MMP3: variants seen among roughly 807,000 people sequenced by gnomAD.
MMP3 encodes matrix metallopeptidase 3, also known as stromelysin-1.
A neutral mutation model predicts 47.3 loss-of-function variants in MMP3; 46 were observed. The ratio of observed to expected loss-of-function variants is 0.97; its 90% CI spans 0.77 to 1.24. MMP3 has a LOEUF of 1.24. Ranked by LOEUF, MMP3 falls within the 50% of genes most tolerant of loss-of-function variation. The pLI is 0.00. For missense variants in MMP3, 558 were observed against 565.5 expected (o/e 0.99, Z 0.13); for synonymous variants, 216 against 206.5 (o/e 1.05, Z -0.39).
Position 102,839,190 on chromosome 11 carries a change from G to T in MMP3, c.989C>A (p.Ser330Tyr). Reference protein sequence around the residue: ...RKLEPELHLISSFWPSLPSGV... With the variant: ...RKLEPELHLIYSFWPSLPSGV... ...TGAAGGAAGAGATGGCCAAAATGAA[G>T]AGATCAAATGCAATTCAGGTTCAAG... The change falls in exon 7 of 10, where the codon TCT becomes TAT. Residue 330 changes from serine (S) to tyrosine (Y), a missense_variant. Transcript: ENST00000299855. The T allele has an allele frequency of 6.2e-7, 1 of 1,614,170 alleles. No individual in the cohort carries two copies. The highest frequency in any genetic ancestry group is 8.5e-7 in the Non-Finnish European group (1 of 1,180,008).
Position 102,839,243 on chromosome 11 carries a change from C to T in MMP3, c.936G>A (p.Arg312=), listed in dbSNP as rs140614141. Reference sequence around the variant, plus strand: ...TCCTGAGGGATTTGCGCCAAAAGTGCCTAAAATATATGTAAAAAGAAATGT... The same window carrying T: ...TCCTGAGGGATTTGCGCCAAAAGTGTCTAAAATATATGTAAAAAGAAATGT... ...LRGEILIFKD[R]HFWRKSLRKL... is the part of the protein sequence containing the mutation. Residue 312 remains arginine (R), a splice_region_variant and synonymous_variant, in exon 7 of 10, where the codon AGG becomes AGA. Coordinates refer to ENST00000299855, the MANE Select transcript of MMP3 (RefSeq NM_002422.5). The T allele has an allele frequency of 7.4e-6, 12 of 1,612,782 alleles. No homozygotes were observed. In the African/African-American group the frequency reaches 1.6e-4, roughly 22 times the overall value.
Position 102,837,395 on chromosome 11 carries a change from A to G in MMP3, c.1236T>C (p.Asp412=), listed in dbSNP as rs781833015. The G allele has an allele frequency of 6.2e-7, 1 of 1,613,156 alleles. No homozygotes were observed. The change falls in exon 9 of 10, where the codon GAT becomes GAC. Residue 412 remains aspartate (D), a synonymous_variant. Coordinates refer to ENST00000299855, the MANE Select transcript of MMP3 (RefSeq NM_002422.5). The surrounding 1 kb of genome is among the most constrained non-coding windows in gnomAD (Gnocchi z 4.4). ...FFVEDKYWRF[D]EKRNSMEPGF... ...CTGGCTCCATGGAATTTCTCTTCTC[A>G]TCAAATCTGTACCAAGTAAAAGAAA...
At position 102,838,700 on chromosome 11, in the gene MMP3, G is replaced by T. The variant is rs1555004965; in HGVS notation, c.1080C>A (p.Phe360Leu). The T allele has an allele frequency of 6.2e-7, 1 of 1,611,912 alleles. No individual in the cohort carries two copies. The highest frequency in any genetic ancestry group is 8.5e-7 in the Non-Finnish European group (1 of 1,179,258). ...GTACCTCATTTCCTCTGATAGCCCAGAATTGATTTCCTGTTAAATATAAAT... is the reference window on the plus strand; with the variant it reads ...GTACCTCATTTCCTCTGATAGCCCATAATTGATTTCCTGTTAAATATAAAT... ...DLVFIFKGNQ[F>L]WAIRGNEVRA... The change falls in exon 8 of 10, where the codon TTC becomes TTA. Residue 360 changes from phenylalanine (F) to leucine (L), a missense_variant. Phe to Leu is a conservative substitution (Grantham distance 22). Coordinates refer to ENST00000299855, the MANE Select transcript of MMP3 (RefSeq NM_002422.5).
In MMP3 at chr11:102,842,179, A is replaced by C. The variant is rs1156265503; in HGVS notation, c.600T>G (p.Asp200Glu). The C allele has an allele frequency of 7.5e-6, 12 of 1,610,498 alleles. No homozygotes were observed. The highest frequency in any genetic ancestry group is 1.0e-5 in the Non-Finnish European group (12 of 1,178,400). Residue 200 changes from aspartate to glutamate, a missense_variant, in exon 4 of 10, where the codon GAT becomes GAG. Asp to Glu is a conservative substitution (Grantham distance 45, BLOSUM62 2). Coordinates refer to ENST00000299855, the MANE Select transcript of MMP3 (RefSeq NM_002422.5). ...CTGTTGTATCCTTTGTCCATTGTTC[A>C]TCATCATCAAAGTGGGCATCTCCAT... Reference protein sequence around the residue: ...GINGDAHFDDDEQWTKDTTGT... With the variant: ...GINGDAHFDDEEQWTKDTTGT...
In MMP3 at chr11:102,837,267, T is replaced by C. The variant is rs782642347; in HGVS notation, c.1333+31A>G. The stretch of plus-strand genomic sequence containing the variant: ...TGATATCATAAAATGTTTCAAGTGC[T>C]CTATGGCCAACACAGTAAGTATCCT... On this transcript the variant is annotated intron_variant, in intron 9 of 9. Coordinates refer to ENST00000299855, the MANE Select transcript of MMP3 (RefSeq NM_002422.5). This position sits in a 1 kb window ranked among gnomAD's most constrained non-coding sequence, Gnocchi z 4.4. The C allele has an allele frequency of 6.6e-7, 1 of 1,522,040 alleles. No homozygotes were observed. The allele number at this position is 1,522,040 out of a possible 1,614,324, so 94.3% of individuals were successfully genotyped here. A position where few individuals can be genotyped will look rare whatever the true frequency, so the allele number is the denominator to read the frequency against.
In MMP3 at chr11:102,842,153, C is replaced by G. The variant is rs782552677; in HGVS notation, c.625+1G>C. 6.3e-7 allele frequency: 1 copy of G among 1,575,842 alleles called. No individual in the cohort carries two copies. Among genetic ancestry groups the G allele is most frequent in the South Asian group, 1.2e-5 (1 of 81,840 alleles). On this transcript the variant is annotated splice_donor_variant, in intron 4 of 9. Transcript: ENST00000299855. LOFTEE classifies it high-confidence loss of function. ...ATCATTCTGAGAGATGTGTAACTAACCTGTTGTATCCTTTGTCCATTGTTC... is the reference window on the plus strand; with the variant it reads ...ATCATTCTGAGAGATGTGTAACTAAGCTGTTGTATCCTTTGTCCATTGTTC...
chr11:102,838,501 C>G, intron 8 of MMP3, 50 bp downstream of exon 8: 1 of 1,569,870 alleles, frequency 6.4e-7, no homozygotes, highest in South Asian at 1.2e-5. Context: ...GTAAAAGAAA[C>G]TAATTTCCCT....
intron 1 of MMP3, among the ~76,000 whole-genome samples, 178 bp from the exon 2 acceptor site, chr11:102,843,094 A>G (rs1555005876): frequency 1.6e-5 from 2 of 126,144 alleles, no homozygotes; most frequent in African/African-American, 6.5e-5. Context: ...AGCTAAAATT[A>G]CGTTGCATTA....
chr11:102,839,604 A>G (rs956357980), intron 6 of MMP3, among the ~76,000 whole-genome samples: 2 of 152,204 alleles, frequency 1.3e-5, no homozygotes, highest in African/African-American at 4.8e-5. Flanking sequence ...TGCTGTGTAA[A>G]TATATTCTTG....
In MMP3 at chr11:102,836,017, G is replaced by T; in HGVS notation, c.*109C>A. On this transcript the variant is annotated 3_prime_UTR_variant, in exon 10 of 10. Transcript: ENST00000299855. This position sits in a 1 kb window ranked among gnomAD's most constrained non-coding sequence, Gnocchi z 4.6. ...GCTCAAGTTCCCTTGAGTGTGACTC[G>T]AGTCACAGCACAGGCAGGAGAAAAC... The T allele has an allele frequency of 1.3e-6, 1 of 793,766 alleles. No homozygotes were observed. Among genetic ancestry groups the T allele is most frequent in the Non-Finnish European group, 2.1e-6 (1 of 477,958 alleles). The allele number at this position is 793,766 out of a possible 1,614,324, so 49.2% of individuals were successfully genotyped here. A position where few individuals can be genotyped will look rare whatever the true frequency, so the allele number is the denominator to read the frequency against.
Position 102,838,579 on chromosome 11 carries a change from A to G in MMP3, c.1201T>C (p.Tyr401His), listed in dbSNP as rs373335227. The G allele has an allele frequency of 1.2e-6, 2 of 1,613,696 alleles. No homozygotes were observed. The highest frequency in any genetic ancestry group is 1.7e-6 in the Non-Finnish European group (2 of 1,179,896). Residue 401 changes from tyrosine to histidine, a missense_variant, in exon 8 of 10, where the codon TAT (tyrosine) becomes CAT (histidine). Transcript: ENST00000299855. ...AISDKEKNKT[Y>H]FFVEDKYWRF... ...CAGTATTTGTCCTCTACAAAGAAAT[A>G]TGTTTTGTTCTTTTCCTTATCAGAA... is the stretch of plus-strand genomic sequence containing the variant.
chr11:102,840,341 A>T, intron 5 of MMP3, 88 bp downstream of exon 5: 1 of 1,584,900 alleles, frequency 6.3e-7, no homozygotes, highest in Non-Finnish European at 8.6e-7. Flanking sequence ...TTTGAACTAA[A>T]TCATAAATAC....
At chr11:102,842,611 T>G (rs782575003) in intron 2 of MMP3, 32 bp from the exon 3 acceptor site, 2 of 1,613,750 alleles carry the variant, frequency 1.2e-6, no homozygotes, top group Non-Finnish European at 8.5e-7. Context: ...AGATGCTATT[T>G]TCTCCTATGA....
chr11:102,839,169 G>A lies in MMP3; in HGVS notation c.1010C>T (p.Pro337Leu). 5.0e-6 allele frequency: 8 copies of A among 1,614,146 alleles called. No homozygotes were observed. The highest frequency in any genetic ancestry group is 5.9e-6 in the Non-Finnish European group (7 of 1,180,000). ...HLISSFWPSLPSGVDAAYEVT... is the reference protein window; with the variant it reads ...HLISSFWPSLLSGVDAAYEVT... ...TTCATATGCGGCATCCACGCCTGAAGGAAGAGATGGCCAAAATGAAGAGAT... is the reference window on the plus strand; with the variant it reads ...TTCATATGCGGCATCCACGCCTGAAAGAAGAGATGGCCAAAATGAAGAGAT... The change falls in exon 7 of 10, where the codon CCT (proline) becomes CTT (leucine). Residue 337 changes from proline to leucine, a missense_variant. Physicochemically the swap from Pro to Leu is moderately conservative, Grantham distance 98. Transcript: ENST00000299855.
intron 4 of MMP3, 89 bp downstream of exon 4, chr11:102,842,065 T>C (rs1859006894): frequency 5.4e-6 from 7 of 1,295,294 alleles, no homozygotes; most frequent in Admixed American, 2.6e-5. Context: ...ATCCAGAACA[T>C]CTCATTTCTT....
chr11:102,843,467 TC>T lies in MMP3; in HGVS notation c.79del (p.Glu27ArgfsTer5). On this transcript the variant is annotated frameshift_variant, in exon 1 of 10. Coordinates refer to ENST00000299855, the MANE Select transcript of MMP3 (RefSeq NM_002422.5). LOFTEE classifies it high-confidence loss of function. ...CTGAACAAGGTTCATGCTGGTGTCC[TC>T]ACCCCTTGCAGCTCCATCCAATGGA... Reference protein sequence around the residue: ...AYPLDGAARGEDTSMNLVQKY... With the variant: ...AYPLDGAARGXDTSMNLVQKY... The T allele has an allele frequency of 6.2e-7, 1 of 1,613,638 alleles. No homozygotes were observed. The highest frequency in any genetic ancestry group is 8.5e-7 in the Non-Finnish European group (1 of 1,179,754).
Position 102,837,282 on chromosome 11 carries a change from G to A in MMP3, c.1333+16C>T, listed in dbSNP as rs972094328. The stretch of plus-strand genomic sequence containing the variant: ...TTTCAAGTGCTCTATGGCCAACACA[G>A]TAAGTATCCTCTTACCAAATTCTTC... On this transcript the variant is annotated intron_variant, in intron 9 of 9. Transcript: ENST00000299855. The surrounding 1 kb of genome is among the most constrained non-coding windows in gnomAD (Gnocchi z 4.4). 2.3e-5 allele frequency: 36 copies of A among 1,588,906 alleles called. No homozygotes were observed. The highest frequency in any genetic ancestry group is 3.0e-5 in the Non-Finnish European group (35 of 1,157,866).
In MMP3 at chr11:102,837,745, A is replaced by G. The variant is rs782353292; in HGVS notation, c.1230-344T>C. Among the ~76,000 whole-genome samples, 9 of 151,090 alleles carry G rather than the reference A, an allele frequency of 6.0e-5. No homozygotes were observed. Among genetic ancestry groups the G allele is most frequent in the Non-Finnish European group, 1.0e-4 (7 of 68,030 alleles). On this transcript the variant is annotated intron_variant, in intron 8 of 9. Coordinates refer to ENST00000299855, the MANE Select transcript of MMP3 (RefSeq NM_002422.5). The surrounding 1 kb of genome is among the most constrained non-coding windows in gnomAD (Gnocchi z 4.4). The stretch of plus-strand genomic sequence containing the variant: ...AAAGTGAATTGAATCAACATCTAAA[A>G]TGCAATTTTAATTCCCTACCACAAT...
Position 102,836,226 on chromosome 11 carries a change from C to G in MMP3, c.1334G>C (p.Gly445Ala), listed in dbSNP as rs782731267. 2 of 1,607,650 alleles carry G rather than the reference C, an allele frequency of 1.2e-6. No homozygotes were observed. Among genetic ancestry groups the G allele is most frequent in the Non-Finnish European group, 1.7e-6 (2 of 1,175,232 alleles). The change falls in exon 10 of 10, where the codon GGG (glycine) becomes GCG (alanine). Residue 445 changes from glycine (G) to alanine (A), a missense_variant and splice_region_variant. Coordinates refer to ENST00000299855, the MANE Select transcript of MMP3 (RefSeq NM_002422.5). The surrounding 1 kb of genome is among the most constrained non-coding windows in gnomAD (Gnocchi z 4.6). Reference sequence around the variant, plus strand: ...AGATCCAGTAAAGAAATAAAAGAACCCTGCAAATACAGACAAGGGAAATAG... The same window carrying G: ...AGATCCAGTAAAGAAATAAAAGAACGCTGCAAATACAGACAAGGGAAATAG... ...SKIDAVFEEF[G>A]FFYFFTGSSQ...
Sources: gnomAD v4.1 joint callset for allele counts (sites outside exome capture counted in the v4.1 genomes callset) on GRCh38, gnomAD v4.1.1 for gene constraint, Gnocchi (gnomAD v3.1) non-coding constraint, MANE v1.5 for transcripts, NCBI Gene and HGNC (gene_info 2026-07-23, HGNC 2026-07-21) for gene names.